Variants in FRYL observed in about 807,000 individuals in gnomAD.
FRYL encodes the protein protein furry homolog-like.
A neutral mutation model predicts 351.2 loss-of-function variants in FRYL; 150 were observed. The observed-to-expected ratio is 0.43, with a 90% CI of 0.37 to 0.49. FRYL has a LOEUF of 0.49. Among genes scored for constraint, FRYL ranks in the 20% least tolerant of loss-of-function variants. The pLI is 0.00. For missense variants in FRYL, 3,036 were observed against 3,619.3 expected, an observed-to-expected ratio of 0.84 and a Z score of 4.13; for synonymous variants, 1,153 against 1,257.1, an observed-to-expected ratio of 0.92 and a Z score of 1.75.
intron 34 of FRYL, among the ~76,000 whole-genome samples, 156 bp from the exon 35 acceptor site, chr4:48,557,274 CATAAAT>C (rs1027258856): frequency 1.2e-4 from 18 of 151,738 alleles, no homozygotes; most frequent in African/African-American, 3.6e-4. Flanking sequence ...CAAATCTAAA[CATAAAT>C]ATAATTAATC....
intron 32 of FRYL, among the ~76,000 whole-genome samples, chr4:48,562,074 CTCGTATTTAA>C (rs1233607264): frequency 6.6e-6 from 1 of 152,038 alleles, no homozygotes; most frequent in African/African-American, 2.4e-5. Flanking sequence ...ATTTACATTC[CTCGTATTTAA>C]TGCCAATGAT....
At chr4:48,714,236 C>T (rs1413842485) in intron 1 of FRYL, among the ~76,000 whole-genome samples, 28 of 151,500 alleles carry the variant, frequency 1.8e-4, no homozygotes, top group Non-Finnish European at 2.9e-4. Flanking sequence ...GCAAACACAT[C>T]CAAAAGCTAG....
At chr4:48,734,455 T>TA (rs1195659103) in intron 1 of FRYL, among the ~76,000 whole-genome samples, 1 of 152,192 alleles carries the variant, frequency 6.6e-6, no homozygotes, top group African/African-American at 2.4e-5. Context: ...AATCCACTAT[T>TA]AGAGTTGTAG....
At chr4:48,634,228 C>A in intron 4 of FRYL, 63 bp downstream of exon 4, 1 of 1,174,442 alleles carries the variant, frequency 8.5e-7, no homozygotes, top group South Asian at 1.3e-5. Flanking sequence ...GAAAAATCTG[C>A]ATTATAGTGG....
At chr4:48,570,392 T>C (rs570385909) in intron 27 of FRYL, among the ~76,000 whole-genome samples, 1 of 152,354 alleles carries the variant, frequency 6.6e-6, no homozygotes, top group South Asian at 2.1e-4. Flanking sequence ...GCAGGATAGA[T>C]AGCAAGTTCA....
intron 22 of FRYL, among the ~76,000 whole-genome samples, chr4:48,580,069 G>GGT (rs386400020): frequency 5.6e-3 from 1 of 180 alleles, no homozygotes; most frequent in Non-Finnish European, 0.028. Flanking sequence ...GCATCATGGC[G>GGT]GGGGGGAATT....
intron 1 of FRYL, among the ~76,000 whole-genome samples, chr4:48,763,931 G>T (rs1192176882): frequency 6.6e-6 from 1 of 152,192 alleles, no homozygotes; most frequent in Non-Finnish European, 1.5e-5. Flanking sequence ...CACTTCGGGA[G>T]TATGAGGCGG....
intron 3 of FRYL, among the ~76,000 whole-genome samples, chr4:48,662,308 C>G (rs1760900355): frequency 6.6e-6 from 1 of 151,882 alleles, no homozygotes; most frequent in South Asian, 2.1e-4. Context: ...ACCTGTAGCC[C>G]TAGCTAGTCA....
intron 36 of FRYL, among the ~76,000 whole-genome samples, chr4:48,552,244 GGT>G (rs67155390): frequency 0.23 from 33,745 of 145,028 alleles, 4,344 homozygotes; most frequent in African/African-American, 0.36. Flanking sequence ...AGTCCAAAGG[GGT>G]GTGTGTGTGT....
chr4:48,777,038 A>AT (rs1776094302), intron 1 of FRYL, among the ~76,000 whole-genome samples: 1 of 152,184 alleles, frequency 6.6e-6, no homozygotes, highest in Non-Finnish European at 1.5e-5. Flanking sequence ...TCTGGGTCTA[A>AT]TTTAAAAAAA....
At chr4:48,594,708 G>GCATA (rs1291460819) in intron 15 of FRYL, among the ~76,000 whole-genome samples, 3 of 152,056 alleles carry the variant, frequency 2.0e-5, no homozygotes, top group Admixed American at 2.0e-4. Flanking sequence ...ATTGAATTAT[G>GCATA]GATCATCTAG....
chr4:48,641,807 T>C (rs1755377613), intron 3 of FRYL, among the ~76,000 whole-genome samples: 1 of 152,196 alleles, frequency 6.6e-6, no homozygotes, highest in Non-Finnish European at 1.5e-5. Context: ...TTAAAATAAA[T>C]ATTTCCCAAA....
chr4:48,544,193 T>G (rs1730847880), intron 43 of FRYL, among the ~76,000 whole-genome samples, 196 bp from the exon 44 acceptor site: 1 of 152,188 alleles, frequency 6.6e-6, no homozygotes, highest in Non-Finnish European at 1.5e-5. Context: ...AAGCAATCCT[T>G]CAGACCAGGG....
intron 1 of FRYL, among the ~76,000 whole-genome samples, chr4:48,727,134 T>C (rs1361343305): frequency 6.6e-6 from 1 of 152,060 alleles, no homozygotes; most frequent in Non-Finnish European, 1.5e-5. Context: ...GATTTTTAAA[T>C]AGCAGGCTAC....
At position 48,717,631 on chromosome 4, in the gene FRYL, C is replaced by T. The variant is rs1769017862; in HGVS notation, c.-383-6933G>A. ...TTATAGCTCACTGCAGCCTCAAACT[C>T]CTGTGTTCAAGCAATCCTCCTGCCT... On this transcript the variant is annotated intron_variant, in intron 1 of 63. Coordinates refer to ENST00000358350, the MANE Select transcript of FRYL (RefSeq NM_015030.2). 2.6e-5 allele frequency among the ~76,000 whole-genome samples: 4 copies of T among 151,594 alleles called. 2 individuals are homozygous for T. The highest frequency in any genetic ancestry group is 5.9e-5 in the Non-Finnish European group (4 of 67,862).
Position 48,543,977 on chromosome 4 carries a change from G to A in FRYL, c.5422C>T (p.His1808Tyr). 1.9e-6 allele frequency: 3 copies of A among 1,613,580 alleles called. No individual in the cohort carries two copies. Among genetic ancestry groups the A allele is most frequent in the Non-Finnish European group, 2.5e-6 (3 of 1,179,678 alleles). Residue 1808 changes from histidine to tyrosine, a missense_variant, in exon 44 of 64, where the codon CAT becomes TAT. Physicochemically the swap from His to Tyr is moderately conservative, Grantham distance 83 (BLOSUM62 2). This residue lies in a region of FRYL where 1,987 missense variants were observed against 2,311.7 expected (regional missense o/e 0.86). Transcript: ENST00000358350. ...GTTTGCAGAGCAACTTCACTAAGATGATGTTCCAGATGAATTCCTTCTGTG... is the reference window on the plus strand; with the variant it reads ...GTTTGCAGAGCAACTTCACTAAGATAATGTTCCAGATGAATTCCTTCTGTG... ...SSSEGIHLEH[H>Y]LSEVALQTAL...
chr4:48,529,539 A>G (rs1244575039), intron 50 of FRYL, among the ~76,000 whole-genome samples: 2 of 152,230 alleles, frequency 1.3e-5, no homozygotes, highest in Non-Finnish European at 2.9e-5. Flanking sequence ...AAATTCTCAG[A>G]TATTATTAAC....
chr4:48,716,870 C>G (rs1768895039), intron 1 of FRYL, among the ~76,000 whole-genome samples: 3 of 151,048 alleles, frequency 2.0e-5, no homozygotes, highest in African/African-American at 7.3e-5. Flanking sequence ...TTGGAACCAA[C>G]CCAAATGTCC....
chr4:48,582,378 T>C, intron 20 of FRYL, 119 bp downstream of exon 20: 1 of 677,832 alleles, frequency 1.5e-6, no homozygotes, highest in Non-Finnish European at 2.6e-6. Context: ...AGGAACACAT[T>C]GAGAGTGAAT....
Sources: allele counts gnomAD v4.1 joint callset (sites outside exome capture counted in the v4.1 genomes callset), GRCh38; gene constraint gnomAD v4.1.1; regional missense constraint gnomAD v4.1.1; transcripts MANE v1.5; gene names NCBI Gene and HGNC (gene_info 2026-07-23, HGNC 2026-07-21).